Variants in RALGPS1 observed in about 807,000 individuals in gnomAD.
RALGPS1 encodes the protein Ral GEF with PH domain and SH3 binding motif 1.
RALGPS1 carries 19 observed loss-of-function variants against 78.8 expected under a neutral mutation model. The observed-to-expected ratio is 0.24, with a 90% CI of 0.17 to 0.35. RALGPS1 has a LOEUF of 0.35. Ranked by LOEUF, RALGPS1 falls within the 10% of genes least tolerant of loss-of-function variation. The pLI is 1.00. For synonymous variants in RALGPS1, 228 were observed against 256.3 expected, an observed-to-expected ratio of 0.89 and a Z score of 1.06; for missense variants, 454 against 688.3, an observed-to-expected ratio of 0.66 and a Z score of 3.81.
In RALGPS1 at chr9:126,931,142, G is replaced by A. The variant is rs117369567; in HGVS notation, c.-66+16167G>A. On this transcript the variant is annotated intron_variant, in intron 1 of 18. Coordinates refer to ENST00000259351, the MANE Select transcript of RALGPS1 (RefSeq NM_014636.3). The stretch of plus-strand genomic sequence containing the variant: ...TGCGAGAGCTCTAGCCTTTCCATAT[G>A]CATTCCAGCCTTTGAGGGCTACTGT... Among the ~76,000 whole-genome samples the A allele has an allele frequency of 6.8e-3, 1,038 of 152,310 alleles. 7 individuals carry two copies. Among genetic ancestry groups the A allele is most frequent in the South Asian group, 0.011 (51 of 4,824 alleles).
intron 8 of RALGPS1, among the ~76,000 whole-genome samples, chr9:127,158,772 C>T (rs190552742): frequency 1.4e-5 from 2 of 147,880 alleles, no homozygotes; most frequent in East Asian, 2.0e-4. Flanking sequence ...ACTTTTCTCT[C>T]GGTGGTTACA....
chr9:127,215,709 T>C (rs1203840174), intron 18 of RALGPS1, among the ~76,000 whole-genome samples: 2 of 152,158 alleles, frequency 1.3e-5, no homozygotes, highest in Non-Finnish European at 2.9e-5. Context: ...TCCCCAGCTG[T>C]CAAGGCTTAT....
rs2060439458 is a variant in RALGPS1, at chr9:127,183,719, A to G, written c.910+8937A>G. ...GGGGCAAGCTGTAGGCCCTCTCTCC[A>G]TGTGCTCCTCTCTCTGGAAACATAC... is the stretch of plus-strand genomic sequence containing the variant. On this transcript the variant is annotated intron_variant, in intron 11 of 18. Transcript: ENST00000259351. The surrounding 1 kb of genome is among the most constrained non-coding windows in gnomAD (Gnocchi z 4.0). 12 of 689,188 alleles carry G rather than the reference A, an allele frequency of 1.7e-5. No individual in the cohort carries two copies. Among genetic ancestry groups the G allele is most frequent in the Admixed American group, 2.9e-5 (1 of 34,724 alleles). The allele number at this position is 689,188 out of a possible 1,614,324, so 42.7% of individuals were successfully genotyped here.
intron 5 of RALGPS1, among the ~76,000 whole-genome samples, chr9:127,047,165 A>G (rs2047874488): frequency 6.6e-6 from 1 of 152,162 alleles, no homozygotes; most frequent in African/African-American, 2.4e-5. Context: ...TTATCTGAGG[A>G]CCTTAATAAA....
At chr9:126,926,645 G>A (rs992350326) in intron 1 of RALGPS1, among the ~76,000 whole-genome samples, 1 of 152,138 alleles carries the variant, frequency 6.6e-6, no homozygotes, top group Non-Finnish European at 1.5e-5. Context: ...GTGGAGAATC[G>A]TTCAAGCTCT....
At chr9:127,018,647 G>GATA (rs34742580) in intron 4 of RALGPS1, among the ~76,000 whole-genome samples, 27,018 of 146,790 alleles carry the variant, frequency 0.18, 2,719 homozygotes, top group Admixed American at 0.24. Flanking sequence ...TAATAATGAT[G>GATA]ATAATAATAA....
At chr9:127,095,636 G>A (rs77466470) in intron 8 of RALGPS1, among the ~76,000 whole-genome samples, 2,095 of 152,334 alleles carry the variant, frequency 0.014, 62 homozygotes, top group African/African-American at 0.048. Context: ...TTGAATTCCT[G>A]TAGACTCCTG....
intron 11 of RALGPS1, among the ~76,000 whole-genome samples, chr9:127,182,461 G>T (rs1275064943): frequency 3.2e-5 from 4 of 126,402 alleles, no homozygotes; most frequent in Non-Finnish European, 6.2e-5. Context: ...ACGGAGTCTC[G>T]CTCTGTCACC....
At chr9:127,170,284 A>G (rs2059503170) in intron 10 of RALGPS1, among the ~76,000 whole-genome samples, 2 of 152,154 alleles carry the variant, frequency 1.3e-5, no homozygotes, top group African/African-American at 4.8e-5. Flanking sequence ...GTGGCTGTGA[A>G]CCAGAGTCAC....
At chr9:127,119,383 G>A (rs1288353092) in intron 8 of RALGPS1, among the ~76,000 whole-genome samples, 1 of 152,192 alleles carries the variant, frequency 6.6e-6, no homozygotes, top group Non-Finnish European at 1.5e-5. Context: ...GACGACACTG[G>A]GCAGGGACCC....
intron 8 of RALGPS1, among the ~76,000 whole-genome samples, chr9:127,161,866 C>T (rs907804272): frequency 2.6e-5 from 4 of 152,024 alleles, no homozygotes; most frequent in South Asian, 4.1e-4. Flanking sequence ...CACAGACAAA[C>T]GGTATTCCCG....
chr9:127,120,562 G>A (rs1029085781), intron 8 of RALGPS1, among the ~76,000 whole-genome samples: 2 of 152,204 alleles, frequency 1.3e-5, no homozygotes, highest in South Asian at 2.1e-4. Context: ...AGTGGCTCAC[G>A]CCTGCAATCC....
intron 7 of RALGPS1, among the ~76,000 whole-genome samples, chr9:127,054,584 C>A (rs552663321): frequency 6.6e-6 from 1 of 152,292 alleles, no homozygotes; most frequent in East Asian, 1.9e-4. Flanking sequence ...TGGGCAGCAG[C>A]AGGTCACAGC....
intron 1 of RALGPS1, among the ~76,000 whole-genome samples, chr9:126,929,144 A>G (rs976775085): frequency 2.0e-5 from 3 of 152,230 alleles, no homozygotes; most frequent in East Asian, 3.8e-4. Flanking sequence ...ACCAAAGCCT[A>G]CCTGTATAAT....
At chr9:126,939,764 G>A (rs887441857) in intron 1 of RALGPS1, among the ~76,000 whole-genome samples, 5 of 152,358 alleles carry the variant, frequency 3.3e-5, no homozygotes, top group African/African-American at 1.2e-4. Flanking sequence ...GCTTTACAGA[G>A]CTCTTATGGT....
intron 11 of RALGPS1, chr9:127,178,450 A>G (rs1406175724): frequency 3.9e-6 from 4 of 1,023,224 alleles, no homozygotes; most frequent in Middle Eastern, 4.9e-4. Flanking sequence ...TTATTAGCAC[A>G]GTGCGCAACA....
At chr9:126,926,961 T>C (rs1215032911) in intron 1 of RALGPS1, among the ~76,000 whole-genome samples, 1 of 151,726 alleles carries the variant, frequency 6.6e-6, no homozygotes, top group Non-Finnish European at 1.5e-5. Context: ...AGGAGGAAGG[T>C]TGTGAATTTG....
At chr9:127,095,803 T>G (rs1378194714) in intron 8 of RALGPS1, among the ~76,000 whole-genome samples, 1 of 152,208 alleles carries the variant, frequency 6.6e-6, no homozygotes, top group African/African-American at 2.4e-5. Flanking sequence ...AGATTTAGGT[T>G]TCTGGTCTCT....
intron 4 of RALGPS1, among the ~76,000 whole-genome samples, chr9:126,986,142 G>A (rs555721482): frequency 4.8e-4 from 73 of 152,260 alleles, no homozygotes; most frequent in African/African-American, 1.1e-3. Flanking sequence ...TCTGCAAGGG[G>A]GACCACAAAG....
Sources: gnomAD v4.1 joint callset for allele counts (sites outside exome capture counted in the v4.1 genomes callset) on GRCh38, gnomAD v4.1.1 for gene constraint, Gnocchi (gnomAD v3.1) non-coding constraint, MANE v1.5 for transcripts, NCBI Gene and HGNC (gene_info 2026-07-23, HGNC 2026-07-21) for gene names.